Variants in E2F3 observed in about 807,000 individuals in gnomAD.
The protein encoded by E2F3 is E2F transcription factor 3.
In E2F3, 11 loss-of-function variants were observed where a neutral mutation model predicts 44.4. That is an observed-to-expected ratio of 0.25 (90% confidence interval 0.16 to 0.41). E2F3 has a LOEUF of 0.41. Ranked by LOEUF, E2F3 falls within the 10% of genes least tolerant of loss-of-function variation. E2F3 has a pLI of 1.00. For missense variants in E2F3, 487 were observed against 583.6 expected (o/e 0.83, Z 1.70); for synonymous variants, 249 against 253.0 (o/e 0.98, Z 0.15).
chr6:20,425,308 G>C (rs1182427558), intron 1 of E2F3, among the ~76,000 whole-genome samples: 1 of 151,972 alleles, frequency 6.6e-6, no homozygotes, highest in Non-Finnish European at 1.5e-5. Context: ...ATACAAAGGT[G>C]AGGAATACAC....
intron 3 of E2F3, 111 bp downstream of exon 3, chr6:20,481,536 C>A: frequency 1.0e-6 from 1 of 956,310 alleles, no homozygotes. Context: ...TCTTTTCTCT[C>A]CTACTGTTTT....
intron 1 of E2F3, among the ~76,000 whole-genome samples, chr6:20,460,018 C>G (rs1761445339): frequency 6.6e-6 from 1 of 152,218 alleles, no homozygotes; most frequent in Non-Finnish European, 1.5e-5. Context: ...ATCCTAAAAT[C>G]TGGGGGTTCC....
At position 20,402,325 on chromosome 6, in the gene E2F3, C is replaced by A; in HGVS notation, c.93C>A (p.Ala31=). Residue 31 remains alanine (A), a synonymous_variant, in exon 1 of 7, where the codon GCC becomes GCA. Coordinates refer to ENST00000346618, the MANE Select transcript of E2F3 (RefSeq NM_001949.5). This position sits in a 1 kb window ranked among gnomAD's most constrained non-coding sequence, Gnocchi z 5.6. The part of the protein sequence containing the change: ...GAAVVAAAAA[A]SMDKRALLAS... ...CTGTCGTCGCCGCCGCCGCTGCAGC[C>A]TCCATGGACAAAAGGGCACTGCTAG... 6.2e-7 allele frequency: 1 copy of A among 1,610,636 alleles called. No homozygotes were observed. The highest frequency in any genetic ancestry group is 8.5e-7 in the Non-Finnish European group (1 of 1,179,156).
At chr6:20,481,069 C>T (rs761714202) in intron 2 of E2F3, 137 bp from the exon 3 acceptor site, 17 of 764,034 alleles carry the variant, frequency 2.2e-5, no homozygotes, top group Non-Finnish European at 2.9e-5. Context: ...CCAACACCAA[C>T]AGCAACGACA....
intron 3 of E2F3, 37 bp from the exon 4 acceptor site, chr6:20,482,725 A>G: frequency 1.3e-6 from 2 of 1,535,700 alleles, no homozygotes; most frequent in Non-Finnish European, 1.7e-6. Flanking sequence ...CCTCCCTCCC[A>G]TGAGTAGCCA....
At chr6:20,420,797 CA>C (rs890877123) in intron 1 of E2F3, among the ~76,000 whole-genome samples, 2 of 152,188 alleles carry the variant, frequency 1.3e-5, no homozygotes, top group African/African-American at 4.8e-5. Context: ...GCAGCTGTGG[CA>C]ATTTCTTCAC....
At chr6:20,410,155 T>C (rs1236022334) in intron 1 of E2F3, among the ~76,000 whole-genome samples, 1 of 152,174 alleles carries the variant, frequency 6.6e-6, no homozygotes, top group Admixed American at 6.5e-5. Flanking sequence ...CCATTTCTGA[T>C]GCTTTGGGGG....
chr6:20,431,485 C>G (rs1392941358), intron 1 of E2F3, among the ~76,000 whole-genome samples: 1 of 152,144 alleles, frequency 6.6e-6, no homozygotes, highest in Admixed American at 6.5e-5. Context: ...TAGGAGCAGA[C>G]TGAACATATT....
intron 1 of E2F3, among the ~76,000 whole-genome samples, chr6:20,405,998 A>G (rs1404377422): frequency 6.6e-6 from 1 of 152,222 alleles, no homozygotes; most frequent in Non-Finnish European, 1.5e-5. Flanking sequence ...TAAGCAGGAA[A>G]GACAGGATGG....
intron 1 of E2F3, among the ~76,000 whole-genome samples, chr6:20,420,470 A>G (rs182843258): frequency 6.6e-6 from 1 of 151,980 alleles, no homozygotes; most frequent in East Asian, 1.9e-4. Context: ...TGTGTATAGT[A>G]AATACAGGCA....
chr6:20,483,307 C>T (rs531522209), intron 4 of E2F3, among the ~76,000 whole-genome samples: 111 of 152,268 alleles, frequency 7.3e-4, no homozygotes, highest in Non-Finnish European at 4.0e-4. Context: ...TCGTCTTTGG[C>T]TTCCCAGATT....
At chr6:20,407,348 C>T (rs556588338) in intron 1 of E2F3, among the ~76,000 whole-genome samples, 1 of 152,290 alleles carries the variant, frequency 6.6e-6, no homozygotes, top group South Asian at 2.1e-4. Context: ...AAACAAAGCA[C>T]CCTTAAATAT....
chr6:20,469,359 A>G (rs997737140), intron 1 of E2F3, among the ~76,000 whole-genome samples: 3 of 152,236 alleles, frequency 2.0e-5, no homozygotes, highest in Non-Finnish European at 4.4e-5. Context: ...CTGTGTGAGC[A>G]TATCACTTAG....
At chr6:20,456,885 C>A (rs1761324017) in intron 1 of E2F3, among the ~76,000 whole-genome samples, 1 of 152,136 alleles carries the variant, frequency 6.6e-6, no homozygotes, top group South Asian at 2.1e-4. Flanking sequence ...TAGATGAATT[C>A]TCAGGTAAGA....
chr6:20,476,040 G>A (rs1762032726), intron 1 of E2F3, among the ~76,000 whole-genome samples: 1 of 152,136 alleles, frequency 6.6e-6, no homozygotes. Context: ...TCCATAAGCT[G>A]TCACTGGCAA....
intron 1 of E2F3, among the ~76,000 whole-genome samples, chr6:20,429,288 G>A (rs147832503): frequency 1.1e-4 from 17 of 152,182 alleles, no homozygotes; most frequent in South Asian, 2.1e-4. Flanking sequence ...GTTGCTTTTC[G>A]TGCTTTCAGT....
intron 1 of E2F3, among the ~76,000 whole-genome samples, chr6:20,456,815 A>G (rs1761321892): frequency 1.3e-5 from 2 of 152,214 alleles, no homozygotes; most frequent in Non-Finnish European, 2.9e-5. Context: ...TTTTTAAATA[A>G]CCAGATAATT....
intron 1 of E2F3, among the ~76,000 whole-genome samples, chr6:20,425,132 G>A (rs1760171587): frequency 6.6e-6 from 1 of 152,186 alleles, no homozygotes; most frequent in Non-Finnish European, 1.5e-5. Context: ...GAAAAATTTG[G>A]CTTTGCCAAG....
intron 1 of E2F3, among the ~76,000 whole-genome samples, chr6:20,419,275 A>G (rs1003611955): frequency 3.3e-5 from 5 of 152,134 alleles, no homozygotes; most frequent in African/African-American, 9.7e-5. Flanking sequence ...GCTACATTGG[A>G]TATCTATGTA....
Sources: gnomAD v4.1 joint callset for allele counts (sites outside exome capture counted in the v4.1 genomes callset) on GRCh38, gnomAD v4.1.1 for gene constraint, Gnocchi (gnomAD v3.1) non-coding constraint, MANE v1.5 for transcripts, NCBI Gene and HGNC (gene_info 2026-07-23, HGNC 2026-07-21) for gene names.